TNRC6B: variants seen among roughly 807,000 people sequenced by gnomAD.
TNRC6B encodes the protein trinucleotide repeat-containing gene 6B protein.
Under a neutral mutation model 203.6 loss-of-function variants are expected in TNRC6B, and 52 were observed. The observed-to-expected ratio is 0.26, with a 90% CI of 0.20 to 0.32. The LOEUF (loss-of-function observed/expected upper bound fraction) is 0.32. Among genes scored for constraint, TNRC6B ranks in the 10% least tolerant of loss-of-function variants. TNRC6B has a pLI of 1.00. For missense variants in TNRC6B, 1,923 were observed against 2,286.2 expected (o/e 0.84, Z 3.24); for synonymous variants, 838 against 845.7 (o/e 0.99, Z 0.16).
At chr22:40,297,810 A>T (rs955617138) in intron 12 of TNRC6B, among the ~76,000 whole-genome samples, 1 of 151,066 alleles carries the variant, frequency 6.6e-6, no homozygotes, top group African/African-American at 2.4e-5. Flanking sequence ...CGACAGAGTG[A>T]AACTCTATCT....
rs533333732 is a variant in TNRC6B at position 40,250,915 on chromosome 22, C to T, written c.94-264C>T. ...AGTAGCATTCTCAGTGGGACCTCATCGTATAATGAGTGGAATGCTTTTTTT... is the reference window on the plus strand; with the variant it reads ...AGTAGCATTCTCAGTGGGACCTCATTGTATAATGAGTGGAATGCTTTTTTT... On this transcript the variant is annotated intron_variant, in intron 2 of 22. Coordinates refer to ENST00000454349, the MANE Select transcript of TNRC6B (RefSeq NM_001162501.2). Among the ~76,000 whole-genome samples the T allele has an allele frequency of 1.1e-4, 16 of 145,150 alleles. No individual in the cohort carries two copies. In the South Asian group the frequency reaches 3.1e-3, roughly 28 times the overall value.
intron 1 of TNRC6B, among the ~76,000 whole-genome samples, chr22:40,192,222 C>G (rs1045704088): frequency 6.6e-6 from 1 of 152,188 alleles, no homozygotes; most frequent in Non-Finnish European, 1.5e-5. Context: ...AAAAACTAAA[C>G]TTGCCTCCAC....
At chr22:40,316,694 G>T (rs1387095037) in intron 21 of TNRC6B, among the ~76,000 whole-genome samples, 1 of 152,184 alleles carries the variant, frequency 6.6e-6, no homozygotes, top group Non-Finnish European at 1.5e-5. Context: ...CCTGATCACT[G>T]CAAAGAGGTC....
At chr22:40,215,301 T>A (rs1601890603) in intron 1 of TNRC6B, among the ~76,000 whole-genome samples, 2 of 152,296 alleles carry the variant, frequency 1.3e-5, no homozygotes, top group South Asian at 4.1e-4. Context: ...ATGTGTGATT[T>A]ATCAGTTAAG....
chr22:40,323,130 C>T lies in TNRC6B; in HGVS notation c.5391C>T (p.Asn1797=), dbSNP rs761081732. The T allele has an allele frequency of 6.2e-7, 1 of 1,613,600 alleles. No homozygotes were observed. The highest frequency in any genetic ancestry group is 2.2e-5 in the East Asian group (1 of 44,876). The change falls in exon 23 of 23, where the codon AAC becomes AAT. Residue 1797 remains asparagine (N), a synonymous_variant. Coordinates refer to ENST00000454349, the MANE Select transcript of TNRC6B (RefSeq NM_001162501.2). ...LAGASLWGPP[N]YSSSLWGVPT... The stretch of plus-strand genomic sequence containing the variant: ...GCGCTTCATTGTGGGGGCCCCCAAA[C>T]TATTCTTCTAGCTTATGGGGAGTCC...
chr22:40,226,167 G>T (rs1274470797), intron 1 of TNRC6B, among the ~76,000 whole-genome samples: 1 of 152,170 alleles, frequency 6.6e-6, no homozygotes, highest in Non-Finnish European at 1.5e-5. Context: ...CAATTATTCA[G>T]CTTGCTAAAT....
rs147687236 is a variant in TNRC6B, at chr22:40,063,280, A to G, written c.-121+18282A>G. Among the ~76,000 whole-genome samples the G allele has an allele frequency of 2.0e-5, 3 of 152,314 alleles. No homozygotes were observed. In the East Asian group the frequency reaches 5.8e-4, roughly 29 times the overall value. ...TCTCAATTCTATTCCATTGATCTAT[A>G]TGTCTGTCTTTATGCCATTACCACA... On this transcript the variant is annotated intron_variant, in intron 1 of 23. Transcript: ENST00000301923.
In TNRC6B at chr22:40,265,939, G is replaced by A; in HGVS notation, c.1709G>A (p.Gly570Glu). 6.2e-7 allele frequency: 1 copy of A among 1,613,994 alleles called. No individual in the cohort carries two copies. Residue 570 changes from glycine to glutamate, a missense_variant, in exon 5 of 23, where the codon GGA (glycine) becomes GAA (glutamate). Gly to Glu is a moderately conservative substitution (Grantham distance 98). Transcript: ENST00000454349. Reference sequence around the variant, plus strand: ...TCCAGCTCCACAGGAAGTGAAGTTGGAGGTCAAAGCACTGGAAGCAACCAC... The same window carrying A: ...TCCAGCTCCACAGGAAGTGAAGTTGAAGGTCAAAGCACTGGAAGCAACCAC... ...RSSSSTGSEV[G>E]GQSTGSNHKA...
intron 1 of TNRC6B, among the ~76,000 whole-genome samples, chr22:40,055,500 G>A (rs935363847): frequency 1.3e-5 from 2 of 152,136 alleles, no homozygotes; most frequent in Non-Finnish European, 2.9e-5. Flanking sequence ...GTTGAACCAT[G>A]ATATGTCAGA....
chr22:40,145,223 G>C (rs1422665724), intron 3 of TNRC6B, among the ~76,000 whole-genome samples: 2 of 152,060 alleles, frequency 1.3e-5, no homozygotes, highest in African/African-American at 4.8e-5. Context: ...TGCAGCCTGG[G>C]TGACAGAGTG....
Position 40,177,931 on chromosome 22 carries a change from A to G in TNRC6B, c.-205A>G, listed in dbSNP as rs2069081998. ...ACAAAAAGCTGCTTCCTTTAGAGAC[A>G]GAGAGGGAGAGAGAGAGCAAGAGGG... is the stretch of plus-strand genomic sequence containing the variant. On this transcript the variant is annotated 5_prime_UTR_variant, in exon 1 of 23. Transcript: ENST00000454349. 2.9e-6 allele frequency: 4 copies of G among 1,356,778 alleles called. No individual in the cohort carries two copies. The highest frequency in any genetic ancestry group is 3.8e-6 in the Non-Finnish European group (4 of 1,058,108). 84.0% of individuals were successfully genotyped at this position (1,356,778 alleles called of 1,614,324 possible).
intron 3 of TNRC6B, among the ~76,000 whole-genome samples, chr22:40,139,235 TC>T (rs1396564832): frequency 2.6e-5 from 4 of 152,122 alleles, no homozygotes; most frequent in Admixed American, 6.5e-5. Context: ...TCAGTTAGCA[TC>T]ATGTTTTCAA....
At chr22:40,100,381 G>A (rs2068228076) in intron 1 of TNRC6B, among the ~76,000 whole-genome samples, 2 of 142,992 alleles carry the variant, frequency 1.4e-5, no homozygotes, top group East Asian at 2.0e-4. Context: ...TGACCACTGC[G>A]CCTGGCCTAT....
At chr22:40,127,483 G>A (rs539076151) in intron 3 of TNRC6B, among the ~76,000 whole-genome samples, 5 of 151,986 alleles carry the variant, frequency 3.3e-5, no homozygotes, top group East Asian at 1.9e-4. Context: ...ACACACAGAG[G>A]CACACATACC....
chr22:40,315,251 C>T lies in TNRC6B; in HGVS notation c.4679-32C>T, dbSNP rs1322608102. On this transcript the variant is annotated intron_variant, in intron 19 of 22. Coordinates refer to ENST00000454349, the MANE Select transcript of TNRC6B (RefSeq NM_001162501.2). The stretch of plus-strand genomic sequence containing the variant: ...TGTCAACAAAAGTGAACCGTCTAAC[C>T]TTATTCCTTCCTTAATTTTCTCTTC... 2.5e-6 allele frequency: 4 copies of T among 1,586,436 alleles called. No homozygotes were observed. In the South Asian group the frequency reaches 3.3e-5, roughly 13 times the overall value.
At chr22:40,296,275 G>A (rs2146541563) in intron 12 of TNRC6B, among the ~76,000 whole-genome samples, 1 of 150,692 alleles carries the variant, frequency 6.6e-6, no homozygotes, top group Admixed American at 6.6e-5. Context: ...CCTCAGATCA[G>A]AAATGGGAAA....
In TNRC6B at chr22:40,326,554, C is replaced by G. The variant is rs1455735549; in HGVS notation, c.*3313C>G. Reference sequence around the variant, plus strand: ...AGATGAGAATGCCATCACTTTGTTCCTTTCCATTTGAGACTGAACTGAAAT... The same window carrying G: ...AGATGAGAATGCCATCACTTTGTTCGTTTCCATTTGAGACTGAACTGAAAT... On this transcript the variant is annotated 3_prime_UTR_variant, in exon 23 of 23. Transcript: ENST00000454349. 6.6e-6 allele frequency: 1 copy of G among 152,456 alleles called. No individual in the cohort carries two copies. The highest frequency in any genetic ancestry group is 1.5e-5 in the Non-Finnish European group (1 of 68,000). 9.4% of individuals were successfully genotyped at this position (152,456 alleles called of 1,614,324 possible). A position where few individuals can be genotyped will look rare whatever the true frequency, so the allele number is the denominator to read the frequency against.
chr22:40,109,814 C>T (rs2092858548), intron 1 of TNRC6B, among the ~76,000 whole-genome samples: 2 of 152,204 alleles, frequency 1.3e-5, no homozygotes, highest in African/African-American at 2.4e-5. Context: ...GTTCTCTAAA[C>T]TTCTGTGCCA....
intron 1 of TNRC6B, among the ~76,000 whole-genome samples, chr22:40,100,003 G>A (rs112538926): frequency 0.057 from 8,665 of 151,944 alleles, 798 homozygotes; most frequent in African/African-American, 0.19. Context: ...CGCCCACCTC[G>A]GCCTCCCAAA....
Sources: gnomAD v4.1 joint callset for allele counts (sites outside exome capture counted in the v4.1 genomes callset) on GRCh38, gnomAD v4.1.1 for gene constraint, MANE v1.5 for transcripts, NCBI Gene and HGNC (gene_info 2026-07-23, HGNC 2026-07-21) for gene names.